Variants in SMOC2 observed in about 807,000 individuals in gnomAD.
The protein encoded by SMOC2 is SPARC related modular calcium binding 2.
SMOC2 carries 39 observed loss-of-function variants against 61.4 expected under a neutral mutation model. That is an observed-to-expected ratio of 0.64 (90% CI 0.49 to 0.83). The LOEUF (loss-of-function observed/expected upper bound fraction) is 0.83. SMOC2 is among the 40% of genes least tolerant of loss of function. The pLI is 0.00. For missense variants in SMOC2, 556 were observed against 592.9 expected (o/e 0.94, Z 0.65); for synonymous variants, 247 against 239.9 (o/e 1.03, Z -0.27).
chr6:168,441,442 C>T lies in SMOC2; in HGVS notation c.72C>T (p.Phe24=), dbSNP rs1378774701. The change falls in exon 1 of 13, where the codon TTC becomes TTT. Residue 24 remains phenylalanine, a synonymous_variant. Coordinates refer to ENST00000356284, the MANE Select transcript of SMOC2 (RefSeq NM_001166412.2). ...GLLPPVPAQK[F]SALTFLRVDQ... ...TCCCGCCGGTGCCCGCTCAGAAGTTCTCGGCGCTCACGGTAAGCCCGGGCC... is the reference window on the plus strand; with the variant it reads ...TCCCGCCGGTGCCCGCTCAGAAGTTTTCGGCGCTCACGGTAAGCCCGGGCC... 2 of 1,508,210 alleles carry T rather than the reference C, an allele frequency of 1.3e-6. No individual in the cohort carries two copies. Among genetic ancestry groups the T allele is most frequent in the Non-Finnish European group, 1.8e-6 (2 of 1,132,294 alleles). The allele number at this position is 1,508,210 out of a possible 1,614,324, so 93.4% of individuals were successfully genotyped here. A position where few individuals can be genotyped will look rare whatever the true frequency, so the allele number is the denominator to read the frequency against.
chr6:168,636,863 C>T (rs550369363), intron 9 of SMOC2, among the ~76,000 whole-genome samples: 46 of 120,990 alleles, frequency 3.8e-4, no homozygotes, highest in African/African-American at 1.2e-3. Context: ...TCCCTCCTCC[C>T]GCCTCCCTCC....
At chr6:168,609,610 G>T (rs910755593) in intron 9 of SMOC2, among the ~76,000 whole-genome samples, 3 of 152,096 alleles carry the variant, frequency 2.0e-5, no homozygotes, top group African/African-American at 7.2e-5. Flanking sequence ...CCATTATCTG[G>T]TGTCATCTCT....
At position 168,653,335 on chromosome 6, in the gene SMOC2, CA is replaced by C. The variant is rs79649097; in HGVS notation, c.1285+113del. On this transcript the variant is annotated intron_variant, in intron 11 of 12. Coordinates refer to ENST00000356284, the MANE Select transcript of SMOC2 (RefSeq NM_001166412.2). ...AGATTGTGTTTATGGCCTGGGAGTG[CA>C]AAAAATCAAATATGCTGTTTAATTG... 3.8e-6 allele frequency: 5 copies of C among 1,313,298 alleles called. No homozygotes were observed. In the Admixed American group the frequency reaches 9.6e-5, roughly 25 times the overall value. 81.4% of individuals were successfully genotyped at this position (1,313,298 alleles called of 1,614,324 possible).
intron 8 of SMOC2, among the ~76,000 whole-genome samples, chr6:168,606,597 T>C (rs916470815): frequency 6.6e-6 from 1 of 152,158 alleles, no homozygotes; most frequent in Non-Finnish European, 1.5e-5. Flanking sequence ...CTGAAAAGCA[T>C]GTAAGCAATG....
chr6:168,441,476 C>T, intron 1 of SMOC2, 22 bp downstream of exon 1: 1 of 1,484,800 alleles, frequency 6.7e-7, no homozygotes, highest in Non-Finnish European at 8.9e-7. Context: ...CCCGCGGGAC[C>T]TGGAGCTCAA....
At chr6:168,476,986 G>A (rs945649386) in intron 1 of SMOC2, among the ~76,000 whole-genome samples, 1 of 152,178 alleles carries the variant, frequency 6.6e-6, no homozygotes, top group Admixed American at 6.5e-5. Context: ...CATCATAGAC[G>A]TTTGTGTGCA....
At chr6:168,533,072 C>T (rs1471188519) in intron 4 of SMOC2, among the ~76,000 whole-genome samples, 3 of 152,076 alleles carry the variant, frequency 2.0e-5, no homozygotes, top group Non-Finnish European at 4.4e-5. Flanking sequence ...AGGTCAGTGG[C>T]CTTCTCTAGG....
At chr6:168,599,418 ACCCCC>A (rs528633537) in intron 8 of SMOC2, among the ~76,000 whole-genome samples, 1 of 57,986 alleles carries the variant, frequency 1.7e-5, no homozygotes, top group Non-Finnish European at 3.5e-5. Context: ...ACACATTCAT[ACCCCC>A]CACACCCACA....
At chr6:168,583,187 C>A (rs1196232767) in intron 7 of SMOC2, among the ~76,000 whole-genome samples, 1 of 152,238 alleles carries the variant, frequency 6.6e-6, no homozygotes, top group African/African-American at 2.4e-5. Context: ...AAATAACCTG[C>A]ATCCAGGCAG....
chr6:168,611,393 T>A (rs11962193), intron 9 of SMOC2, among the ~76,000 whole-genome samples: 74 of 91,394 alleles, frequency 8.1e-4, no homozygotes, highest in South Asian at 1.8e-3. Flanking sequence ...CTGGCCCTGC[T>A]CTGGTTCTCA....
At chr6:168,585,825 A>G (rs1313090326) in intron 7 of SMOC2, among the ~76,000 whole-genome samples, 1 of 152,130 alleles carries the variant, frequency 6.6e-6, no homozygotes, top group African/African-American at 2.4e-5. Flanking sequence ...GTCTGTTTTC[A>G]CCTTTGTTAA....
At chr6:168,530,637 A>ACCCCCCCCCCCCCCCCCCCCCC (rs3064057) in intron 4 of SMOC2, among the ~76,000 whole-genome samples, 3 of 120,190 alleles carry the variant, frequency 2.5e-5, no homozygotes, top group African/African-American at 1.2e-4. Flanking sequence ...TCACGGTGCA[A>ACCCCCCCCCCCCCCCCCCCCCC]CCCCCCCCCC....
chr6:168,528,180 T>C (rs953674504), intron 4 of SMOC2, among the ~76,000 whole-genome samples: 1 of 152,252 alleles, frequency 6.6e-6, no homozygotes, highest in Non-Finnish European at 1.5e-5. Context: ...GTTTATGTTA[T>C]TTTATTACTC....
At position 168,543,621 on chromosome 6, in the gene SMOC2, T is replaced by G. The variant is rs769136329; in HGVS notation, c.464-4T>G. 1 of 1,613,410 alleles carries G rather than the reference T, an allele frequency of 6.2e-7. No homozygotes were observed. The highest frequency in any genetic ancestry group is 1.3e-5 in the African/African-American group (1 of 74,940). ...TCATTTCACTCCTTATTTTCCTCTT[T>G]TAGGTTCCGTAAATGAAAAGTTACC... is the stretch of plus-strand genomic sequence containing the variant. On this transcript the variant is annotated splice_region_variant and splice_polypyrimidine_tract_variant and intron_variant, in intron 4 of 12. Transcript: ENST00000356284.
rs1562372681 is a variant in SMOC2, at chr6:168,599,415, CAT to C, written c.824+413_824+414del. On this transcript the variant is annotated intron_variant, in intron 8 of 12. Coordinates refer to ENST00000356284, the MANE Select transcript of SMOC2 (RefSeq NM_001166412.2). Reference sequence around the variant, plus strand: ...ACACACACACTGACACACACACATTCATACCCCCCACACCCACACTCACACAC... The same window carrying C: ...ACACACACACTGACACACACACATTCACCCCCCACACCCACACTCACACAC... Among the ~76,000 whole-genome samples, 290 of 77,122 alleles carry C rather than the reference CAT, an allele frequency of 3.8e-3. 2 individuals carry two copies. The highest frequency in any genetic ancestry group is 0.011 in the African/African-American group (260 of 22,652). 50.6% of individuals were successfully genotyped at this position (77,122 alleles called of 152,430 possible).
chr6:168,597,747 C>G (rs1375834530), intron 7 of SMOC2, among the ~76,000 whole-genome samples: 1 of 152,236 alleles, frequency 6.6e-6, no homozygotes, highest in Non-Finnish European at 1.5e-5. Flanking sequence ...AGCAGAGAGG[C>G]TGCCCCTGCT....
chr6:168,495,357 G>A (rs1343835182), intron 1 of SMOC2, among the ~76,000 whole-genome samples: 3 of 152,346 alleles, frequency 2.0e-5, no homozygotes, highest in East Asian at 1.9e-4. Flanking sequence ...ACTGGCTGAC[G>A]CCAGCCAGGG....
chr6:168,467,535 C>A (rs931177115), intron 1 of SMOC2, among the ~76,000 whole-genome samples: 6 of 152,128 alleles, frequency 3.9e-5, no homozygotes, highest in Admixed American at 3.3e-4. Context: ...GTCTCTATCT[C>A]CTGACCTCGT....
chr6:168,475,343 C>G lies in SMOC2; in HGVS notation c.84+33889C>G, dbSNP rs1449461389. ...TCTGTGGACGTAGATTAAATTCACTCTCATTTATTCCTGAAGCATTTGGAG... is the reference window on the plus strand; with the variant it reads ...TCTGTGGACGTAGATTAAATTCACTGTCATTTATTCCTGAAGCATTTGGAG... On this transcript the variant is annotated intron_variant, in intron 1 of 12. Transcript: ENST00000356284. This position sits in a 1 kb window ranked among gnomAD's most constrained non-coding sequence, Gnocchi z 4.6. 6.6e-6 allele frequency among the ~76,000 whole-genome samples: 1 copy of G among 152,114 alleles called. No homozygotes were observed. Among genetic ancestry groups the G allele is most frequent in the South Asian group, 2.1e-4 (1 of 4,824 alleles).
Sources: allele counts gnomAD v4.1 joint callset (sites outside exome capture counted in the v4.1 genomes callset), GRCh38; gene constraint gnomAD v4.1.1; non-coding constraint Gnocchi (gnomAD v3.1); transcripts MANE v1.5; gene names NCBI Gene and HGNC (gene_info 2026-07-23, HGNC 2026-07-21).